The following TMEM178B variants were observed in gnomAD, a reference collection of about 807,000 sequenced individuals.
The protein encoded by TMEM178B is transmembrane protein 178B.
TMEM178B carries 5 observed loss-of-function variants against 31.0 expected under a neutral mutation model. The observed-to-expected ratio is 0.16, with a 90% CI of 0.08 to 0.34. The LOEUF (loss-of-function observed/expected upper bound fraction) is 0.34, where lower values mean the gene tolerates loss of function less well. Among genes scored for constraint, TMEM178B ranks in the 10% least tolerant of loss-of-function variants. The pLI is 1.00. For synonymous variants in TMEM178B, 164 were observed against 164.0 expected, an observed-to-expected ratio of 1.00 and a Z score of 0.00; for missense variants, 275 against 400.3, an observed-to-expected ratio of 0.69 and a Z score of 2.67.
chr7:141,359,921 C>T (rs1033958137), intron 2 of TMEM178B, among the ~76,000 whole-genome samples: 4 of 152,246 alleles, frequency 2.6e-5, no homozygotes, highest in Non-Finnish European at 2.9e-5. Flanking sequence ...GGCAACAGAG[C>T]GAAAGGGGTT....
At chr7:141,273,168 A>G (rs896538054) in intron 2 of TMEM178B, among the ~76,000 whole-genome samples, 1 of 152,216 alleles carries the variant, frequency 6.6e-6, no homozygotes, top group Non-Finnish European at 1.5e-5. Flanking sequence ...GTGGAATCTA[A>G]AAAAATCAAA....
intron 2 of TMEM178B, among the ~76,000 whole-genome samples, chr7:141,356,916 A>G (rs1355471494): frequency 6.6e-6 from 1 of 152,104 alleles, no homozygotes; most frequent in East Asian, 1.9e-4. Flanking sequence ...AATATATCCT[A>G]AATCAATAAC....
At chr7:141,349,989 A>G (rs1166815668) in intron 2 of TMEM178B, among the ~76,000 whole-genome samples, 2 of 151,564 alleles carry the variant, frequency 1.3e-5, no homozygotes, top group African/African-American at 2.4e-5. Context: ...CCATCCATCC[A>G]TCCATCCATG....
chr7:141,454,267 G>C (rs952722745), intron 3 of TMEM178B, among the ~76,000 whole-genome samples: 8 of 151,964 alleles, frequency 5.3e-5, no homozygotes, highest in Non-Finnish European at 1.2e-4. Context: ...TTCTCACCTC[G>C]GCATTCCATC....
chr7:141,177,170 AAACTTCATTTCT>A (rs1388490103), intron 1 of TMEM178B, among the ~76,000 whole-genome samples: 2 of 151,726 alleles, frequency 1.3e-5, no homozygotes, highest in East Asian at 1.9e-4. Flanking sequence ...CATTGGTTTC[AAACTTCATTTCT>A]AACTTCATTT....
At chr7:141,177,406 A>G (rs1400245096) in intron 1 of TMEM178B, among the ~76,000 whole-genome samples, 1 of 152,192 alleles carries the variant, frequency 6.6e-6, no homozygotes, top group African/African-American at 2.4e-5. Flanking sequence ...GGAGCGGAGA[A>G]GAATGTATAT....
At chr7:141,375,066 A>G (rs1454298214) in intron 2 of TMEM178B, among the ~76,000 whole-genome samples, 1 of 152,188 alleles carries the variant, frequency 6.6e-6, no homozygotes, top group African/African-American at 2.4e-5. Flanking sequence ...ACTGACAGAT[A>G]CTTTCCCTTC....
chr7:141,331,342 C>A (rs1171196037), intron 2 of TMEM178B, among the ~76,000 whole-genome samples: 19 of 152,210 alleles, frequency 1.2e-4, no homozygotes. Flanking sequence ...GGACGAGCAG[C>A]AAAGTAGATG....
At chr7:141,308,787 G>T (rs183498738) in intron 2 of TMEM178B, among the ~76,000 whole-genome samples, 3 of 152,180 alleles carry the variant, frequency 2.0e-5, no homozygotes, top group Non-Finnish European at 4.4e-5. Flanking sequence ...CCTGCCCGAC[G>T]CTGGGCCATG....
At chr7:141,509,789 C>T in the TMEM178B span, among the ~76,000 whole-genome samples, 139 of 152,360 alleles carry the variant, frequency 9.1e-4, 1 homozygote, top group Non-Finnish European at 1.1e-3. Flanking sequence ...TCCTGGTCTA[C>T]CTATCCTGAA....
At chr7:141,180,721 G>A (rs1796514056) in intron 1 of TMEM178B, among the ~76,000 whole-genome samples, 1 of 152,064 alleles carries the variant, frequency 6.6e-6, no homozygotes, top group South Asian at 2.1e-4. Context: ...ACCTTGCTGA[G>A]GACAGTAGTG....
the TMEM178B span, among the ~76,000 whole-genome samples, chr7:141,499,101 T>C: frequency 5.3e-5 from 8 of 152,162 alleles, no homozygotes; most frequent in African/African-American, 1.9e-4. Context: ...TTTTAATAGA[T>C]TATTTGGCTG....
chr7:141,188,553 G>A (rs538018545), intron 1 of TMEM178B, among the ~76,000 whole-genome samples: 2 of 152,342 alleles, frequency 1.3e-5, no homozygotes, highest in East Asian at 3.9e-4. Context: ...GTGAGAGACA[G>A]ATCTAGCTTC....
Position 141,389,649 on chromosome 7 carries a change from G to A in TMEM178B, c.497-47959G>A, listed in dbSNP as rs569909936. 1.2e-3 allele frequency among the ~76,000 whole-genome samples: 180 copies of A among 152,330 alleles called. 1 individual carries two copies. Among genetic ancestry groups the A allele is most frequent in the Non-Finnish European group, 1.9e-3 (129 of 68,034 alleles). On this transcript the variant is annotated intron_variant, in intron 2 of 3. Coordinates refer to ENST00000565468, the MANE Select transcript of TMEM178B (RefSeq NM_001195278.2). ...CACGAGGCAGCACCAAGCTGTCAAA[G>A]TCATCAATAGAATGACAGCCCCCTT...
intron 1 of TMEM178B, among the ~76,000 whole-genome samples, chr7:141,209,694 C>T (rs1292230506): frequency 6.6e-6 from 1 of 152,058 alleles, no homozygotes; most frequent in Non-Finnish European, 1.5e-5. Context: ...AGGACAGAAG[C>T]AGGGAAGCTG....
At chr7:141,118,953 G>T (rs996550982) in intron 1 of TMEM178B, among the ~76,000 whole-genome samples, 5 of 152,136 alleles carry the variant, frequency 3.3e-5, no homozygotes, top group Non-Finnish European at 7.3e-5. Context: ...AGTATAGCAG[G>T]TCCCCAAGGG....
Position 141,319,158 on chromosome 7 carries a change from A to C in TMEM178B, c.496+106454A>C, listed in dbSNP as rs1799054428. Among the ~76,000 whole-genome samples, 2 of 152,222 alleles carry C rather than the reference A, an allele frequency of 1.3e-5. 1 individual carries two copies. Among genetic ancestry groups the C allele is most frequent in the Admixed American group, 1.3e-4 (2 of 15,282 alleles). ...AGAGTATAGGAGAGTCACTCTAGAA[A>C]TAAATTGGCTTTTAACGACCTGTCT... On this transcript the variant is annotated intron_variant, in intron 2 of 3. Transcript: ENST00000565468.
At chr7:141,180,083 A>G (rs565628336) in intron 1 of TMEM178B, among the ~76,000 whole-genome samples, 4 of 152,226 alleles carry the variant, frequency 2.6e-5, no homozygotes, top group Non-Finnish European at 5.9e-5. Context: ...ACTCTCCGTG[A>G]CACAGTATAG....
At chr7:141,168,153 C>T (rs543294849) in intron 1 of TMEM178B, among the ~76,000 whole-genome samples, 1 of 152,300 alleles carries the variant, frequency 6.6e-6, no homozygotes, top group African/African-American at 2.4e-5. Context: ...CTTGCTTGAG[C>T]TGGTGGAGAT....
Sources: allele counts gnomAD v4.1 joint callset (sites outside exome capture counted in the v4.1 genomes callset), GRCh38; gene constraint gnomAD v4.1.1; transcripts MANE v1.5; gene names NCBI Gene and HGNC (gene_info 2026-07-23, HGNC 2026-07-21).